CTNNA3: variants seen among roughly 807,000 people sequenced by gnomAD.
CTNNA3 encodes the protein catenin alpha 3.
A neutral mutation model predicts 95.7 loss-of-function variants in CTNNA3; 76 were observed. The ratio of observed to expected loss-of-function variants is 0.79; its 90% CI spans 0.66 to 0.96. The LOEUF (loss-of-function observed/expected upper bound fraction) is 0.96. Ranked by LOEUF, CTNNA3 falls within the 40% of genes least tolerant of loss-of-function variation. The pLI is 0.00. For synonymous variants in CTNNA3, 431 were observed against 374.4 expected (o/e 1.15, Z -1.74); for missense variants, 1,191 against 1,089.8 (o/e 1.09, Z -1.31).
intron 7 of CTNNA3, among the ~76,000 whole-genome samples, chr10:66,787,088 G>GA (rs1365908591): frequency 6.6e-6 from 1 of 152,126 alleles, no homozygotes; most frequent in African/African-American, 2.4e-5. Context: ...CTGATGTGGA[G>GA]AAAAAATTAA....
chr10:67,145,824 A>C (rs181315794), intron 7 of CTNNA3, among the ~76,000 whole-genome samples: 4 of 152,316 alleles, frequency 2.6e-5, no homozygotes. Context: ...CAAAGTTACC[A>C]CATGTGCAAA....
intron 7 of CTNNA3, among the ~76,000 whole-genome samples, chr10:66,780,415 C>A (rs1020044026): frequency 4.1e-5 from 6 of 145,382 alleles, no homozygotes; most frequent in Non-Finnish European, 9.1e-5. Context: ...ATAGAGTAAC[C>A]TGGGTAGGAG....
At chr10:67,357,763 G>C (rs1031799075) in intron 5 of CTNNA3, among the ~76,000 whole-genome samples, 11 of 151,778 alleles carry the variant, frequency 7.2e-5, no homozygotes, top group Non-Finnish European at 1.6e-4. Flanking sequence ...CTATTACAAA[G>C]AACAATAAAG....
chr10:67,661,925 T>C (rs1840202327), intron 1 of CTNNA3, among the ~76,000 whole-genome samples: 2 of 152,182 alleles, frequency 1.3e-5, no homozygotes, highest in South Asian at 2.1e-4. Context: ...ATCTCACACA[T>C]TGCTAGCAAA....
intron 3 of CTNNA3, among the ~76,000 whole-genome samples, chr10:67,561,757 C>T (rs1000444922): frequency 6.6e-6 from 1 of 151,628 alleles, no homozygotes; most frequent in African/African-American, 2.4e-5. Flanking sequence ...CTAAGAAAGA[C>T]AAAAAGAGAG....
chr10:67,706,421 A>G (rs1457437222), intron 1 of CTNNA3, among the ~76,000 whole-genome samples: 1 of 152,154 alleles, frequency 6.6e-6, no homozygotes, highest in Non-Finnish European at 1.5e-5. Flanking sequence ...AAAATCTCTT[A>G]GAAAAATGGG....
chr10:66,843,518 G>A (rs1163615587), intron 7 of CTNNA3, among the ~76,000 whole-genome samples: 1 of 152,122 alleles, frequency 6.6e-6, no homozygotes, highest in East Asian at 1.9e-4. Context: ...TTTCTTTGAT[G>A]GGAAAGAGCA....
intron 1 of CTNNA3, chr10:67,648,791 C>G (rs1295311451): frequency 3.1e-6 from 4 of 1,289,404 alleles, no homozygotes; most frequent in Non-Finnish European, 4.0e-6. Flanking sequence ...AAAGTAGAAA[C>G]ATGGTCTCTT....
intron 1 of CTNNA3, among the ~76,000 whole-genome samples, chr10:67,713,774 G>C (rs1841126387): frequency 6.6e-6 from 1 of 152,092 alleles, no homozygotes; most frequent in South Asian, 2.1e-4. Context: ...ATCACATGCT[G>C]GTGCCTGTCG....
intron 7 of CTNNA3, among the ~76,000 whole-genome samples, chr10:66,794,823 C>CT (rs1841125143): frequency 6.6e-6 from 1 of 152,094 alleles, no homozygotes; most frequent in South Asian, 2.1e-4. Context: ...ATTCTAAATC[C>CT]TTTTTTGTCA....
At chr10:67,727,524 T>A (rs1394173674) in intron 1 of CTNNA3, among the ~76,000 whole-genome samples, 1 of 131,138 alleles carries the variant, frequency 7.6e-6, no homozygotes, top group Non-Finnish European at 1.6e-5. Flanking sequence ...ATATCATATA[T>A]TATGTAACAT....
chr10:67,439,640 C>T (rs1846426275), intron 5 of CTNNA3, among the ~76,000 whole-genome samples: 1 of 152,092 alleles, frequency 6.6e-6, no homozygotes, highest in South Asian at 2.1e-4. Flanking sequence ...TTAAACATGA[C>T]ATTTAAATAG....
At chr10:66,240,969 G>C (rs1006475475) in intron 13 of CTNNA3, among the ~76,000 whole-genome samples, 1 of 151,918 alleles carries the variant, frequency 6.6e-6, no homozygotes, top group African/African-American at 2.4e-5. Flanking sequence ...AGAAATATAA[G>C]GATTTCAAAT....
intron 5 of CTNNA3, among the ~76,000 whole-genome samples, chr10:67,445,870 A>T (rs1236882952): frequency 6.6e-6 from 1 of 152,166 alleles, no homozygotes; most frequent in Non-Finnish European, 1.5e-5. Flanking sequence ...TAACCCATTT[A>T]CTCATCTATC....
chr10:65,937,894 A>AAAGG (rs1173064296), intron 17 of CTNNA3, among the ~76,000 whole-genome samples: 8 of 152,112 alleles, frequency 5.3e-5, no homozygotes, highest in Non-Finnish European at 1.0e-4. Context: ...CAGAGTAAGC[A>AAAGG]AAGGAAGGAG....
intron 15 of CTNNA3, among the ~76,000 whole-genome samples, chr10:66,060,952 G>A (rs1183954341): frequency 1.3e-5 from 2 of 151,910 alleles, no homozygotes; most frequent in African/African-American, 2.4e-5. Context: ...TGTTTTTCTG[G>A]GAAAGAAAGT....
intron 7 of CTNNA3, among the ~76,000 whole-genome samples, chr10:67,104,869 C>T (rs1858540019): frequency 6.6e-6 from 1 of 151,934 alleles, no homozygotes; most frequent in African/African-American, 2.4e-5. Context: ...ATAAATCCAG[C>T]AAAGAAAGAA....
intron 3 of CTNNA3, among the ~76,000 whole-genome samples, chr10:67,576,367 G>A (rs572730118): frequency 1.3e-4 from 19 of 151,998 alleles, no homozygotes; most frequent in African/African-American, 3.6e-4. Context: ...TACTTTAAAT[G>A]GCCACATACA....
chr10:67,391,992 T>C (rs1214556775), intron 5 of CTNNA3, among the ~76,000 whole-genome samples: 1 of 151,522 alleles, frequency 6.6e-6, no homozygotes, highest in Non-Finnish European at 1.5e-5. Flanking sequence ...GACATAGGCA[T>C]GGGCAAGGAC....
Sources: allele counts gnomAD v4.1 joint callset (sites outside exome capture counted in the v4.1 genomes callset), GRCh38; gene constraint gnomAD v4.1.1; transcripts MANE v1.5; gene names NCBI Gene and HGNC (gene_info 2026-07-23, HGNC 2026-07-21).